The following DEFB107B variants were observed in gnomAD, a reference collection of about 807,000 sequenced individuals.
DEFB107B encodes the protein defensin beta 107B.
intron 1 of DEFB107B, among the ~76,000 whole-genome samples, chr8:7,507,855 C>A (rs1811976612): frequency 1.4e-5 from 2 of 145,926 alleles, no homozygotes; most frequent in Admixed American, 6.7e-5. Flanking sequence ...GCTAAGTATT[C>A]ATGTGTCCAG....
rs1258076302 is a variant in DEFB107B, at chr8:7,503,497, C to A, written c.71-5584C>A. Among the ~76,000 whole-genome samples, 3 of 21,366 alleles carry A rather than the reference C, an allele frequency of 1.4e-4. 1 individual carries two copies. Among genetic ancestry groups the A allele is most frequent in the Non-Finnish European group, 5.8e-4 (3 of 5,184 alleles). The allele number at this position is 21,366 out of a possible 152,430, so 14.0% of individuals were successfully genotyped here. The stretch of plus-strand genomic sequence containing the variant: ...GCCTCAAATGGAATTTTAATGCCAT[C>A]TTCATTTTTCCCTAGTCCCTTTCCT... On this transcript the variant is annotated intron_variant, in intron 1 of 1. Coordinates refer to ENST00000355602, the MANE Select transcript of DEFB107B (RefSeq NM_001040705.2).
intron 1 of DEFB107B, among the ~76,000 whole-genome samples, chr8:7,496,446 C>A (rs1373734432): frequency 6.6e-6 from 1 of 150,632 alleles, no homozygotes; most frequent in Non-Finnish European, 1.5e-5. Flanking sequence ...ACTACACGCA[C>A]CCGCCACCAC....
intron 1 of DEFB107B, among the ~76,000 whole-genome samples, chr8:7,496,363 G>T (rs1222092546): frequency 1.3e-5 from 1 of 74,398 alleles, no homozygotes; most frequent in Non-Finnish European, 2.4e-5. Flanking sequence ...GCAGTGGTGC[G>T]ATCTTGGCTC....
intron 1 of DEFB107B, among the ~76,000 whole-genome samples, chr8:7,508,079 A>ATTTGTGTG (rs200848932): frequency 1.1e-4 from 3 of 28,044 alleles, no homozygotes; most frequent in African/African-American, 3.3e-4. Flanking sequence ...ATATATATAT[A>ATTTGTGTG]TATATGTGTG....
intron 1 of DEFB107B, among the ~76,000 whole-genome samples, chr8:7,507,940 G>C (rs1376504659): frequency 6.9e-6 from 1 of 145,624 alleles, no homozygotes; most frequent in African/African-American, 2.7e-5. Context: ...CAATCTCTCT[G>C]TATAACTGCT....
intron 1 of DEFB107B, among the ~76,000 whole-genome samples, chr8:7,496,554 C>T (rs1355882706): frequency 6.6e-6 from 1 of 151,222 alleles, no homozygotes; most frequent in East Asian, 1.9e-4. Flanking sequence ...CCCTCCTCGG[C>T]CTCCCAGAGC....
chr8:7,496,581 T>C (rs1367962465), intron 1 of DEFB107B, among the ~76,000 whole-genome samples: 3 of 148,562 alleles, frequency 2.0e-5, no homozygotes, highest in Non-Finnish European at 3.0e-5. Context: ...ATTACAGGCA[T>C]GAGCCACCGC....
chr8:7,497,480 T>C (rs1354514971), intron 1 of DEFB107B, among the ~76,000 whole-genome samples: 9 of 151,692 alleles, frequency 5.9e-5, no homozygotes, highest in Admixed American at 5.9e-4. Context: ...GTAGTATTTG[T>C]TTTGCACATT....
intron 1 of DEFB107B, among the ~76,000 whole-genome samples, chr8:7,496,509 C>T (rs1274808720): frequency 1.3e-5 from 2 of 152,114 alleles, no homozygotes; most frequent in Non-Finnish European, 2.9e-5. Context: ...ACCGTGTTAG[C>T]CAGGATGGTC....
chr8:7,508,447 T>C (rs1396619917), intron 1 of DEFB107B, among the ~76,000 whole-genome samples: 1 of 138,672 alleles, frequency 7.2e-6, no homozygotes, highest in Non-Finnish European at 1.5e-5. Flanking sequence ...AGATTCCTGT[T>C]TTGACATATT....
intron 1 of DEFB107B, among the ~76,000 whole-genome samples, chr8:7,508,223 A>G (rs1407814000): frequency 3.5e-5 from 5 of 141,902 alleles, no homozygotes; most frequent in Non-Finnish European, 6.0e-5. Context: ...TTGAGCAGAA[A>G]TCTAAGCCCC....
intron 1 of DEFB107B, among the ~76,000 whole-genome samples, chr8:7,496,409 C>T (rs1811738405): frequency 1.4e-5 from 2 of 138,794 alleles, no homozygotes; most frequent in Non-Finnish European, 1.5e-5. Context: ...ATGCCATTCT[C>T]CTGCCTCAGC....
In DEFB107B at chr8:7,507,431, C is replaced by T. The variant is rs1341655683; in HGVS notation, c.71-1650C>T. Among the ~76,000 whole-genome samples, 3 of 68,798 alleles carry T rather than the reference C, an allele frequency of 4.4e-5. 1 individual carries two copies. The highest frequency in any genetic ancestry group is 1.8e-4 in the African/African-American group (3 of 16,808). 45.1% of individuals were successfully genotyped at this position (68,798 alleles called of 152,430 possible). Reference sequence around the variant, plus strand: ...CTGTATGCACCCTGTGTTTTACTTGCCATTCTATAAATGATAATAATAATA... The same window carrying T: ...CTGTATGCACCCTGTGTTTTACTTGTCATTCTATAAATGATAATAATAATA... On this transcript the variant is annotated intron_variant, in intron 1 of 1. Coordinates refer to ENST00000355602, the MANE Select transcript of DEFB107B (RefSeq NM_001040705.2).
At chr8:7,508,108 C>T (rs200523447) in intron 1 of DEFB107B, among the ~76,000 whole-genome samples, 1,451 of 122,026 alleles carry the variant, frequency 0.012, 79 homozygotes, top group African/African-American at 0.028. Flanking sequence ...TATGTGTGTG[C>T]GTGTGTGTCT....
intron 1 of DEFB107B, among the ~76,000 whole-genome samples, chr8:7,496,610 A>T (rs1246261534): frequency 1.2e-4 from 17 of 139,112 alleles, no homozygotes; most frequent in Admixed American, 2.9e-4. Context: ...AGCATATTCT[A>T]AAGTGATTTC....
At chr8:7,507,924 G>T (rs1322743176) in intron 1 of DEFB107B, among the ~76,000 whole-genome samples, 2 of 146,286 alleles carry the variant, frequency 1.4e-5, no homozygotes, top group Admixed American at 1.3e-4. Context: ...CTTTGGGACA[G>T]TTTAACAATC....
At chr8:7,496,290 C>CTTTTTTTTTTTTTT (rs1171104972) in intron 1 of DEFB107B, among the ~76,000 whole-genome samples, 1 of 46,830 alleles carries the variant, frequency 2.1e-5, no homozygotes, top group African/African-American at 1.1e-4. Context: ...TCAGCATATT[C>CTTTTTTTTTTTTTT]TTTTTTTTTT....
chr8:7,508,532 C>A (rs1812006299), intron 1 of DEFB107B, among the ~76,000 whole-genome samples: 1 of 139,950 alleles, frequency 7.1e-6, no homozygotes, highest in Admixed American at 6.9e-5. Context: ...CTTGCCAGAG[C>A]TAAATACACG....
chr8:7,499,166 G>A (rs139288534), intron 1 of DEFB107B, among the ~76,000 whole-genome samples: 2,784 of 17,898 alleles, frequency 0.16, 578 homozygotes, highest in Non-Finnish European at 0.29. Flanking sequence ...CCTGTAGATG[G>A]CGTCTAACCA....
Sources: allele counts gnomAD v4.1 joint callset (sites outside exome capture counted in the v4.1 genomes callset), GRCh38; gene constraint gnomAD v4.1.1; transcripts MANE v1.5; gene names NCBI Gene and HGNC (gene_info 2026-07-23, HGNC 2026-07-21).